CCDC73: variants seen among roughly 807,000 people sequenced by gnomAD.
CCDC73 encodes the protein coiled-coil domain containing 73.
A neutral mutation model predicts 116.5 loss-of-function variants in CCDC73; 95 were observed. The ratio of observed to expected loss-of-function variants is 0.82; its 90% CI spans 0.69 to 0.97. The LOEUF is 0.97. Among genes scored for constraint, CCDC73 ranks in the 50% least tolerant of loss-of-function variants. The pLI is 0.00. For synonymous variants in CCDC73, 398 were observed against 401.3 expected (o/e 0.99, Z 0.10); for missense variants, 1,066 against 1,206.8 (o/e 0.88, Z 1.73).
At chr11:32,610,889 A>G (rs992740368) in intron 17 of CCDC73, among the ~76,000 whole-genome samples, 1 of 152,230 alleles carries the variant, frequency 6.6e-6, no homozygotes, top group Non-Finnish European at 1.5e-5. Context: ...ATAGAAGTAC[A>G]TATCCGATGC....
chr11:32,735,172 C>A (rs893754160), intron 2 of CCDC73, among the ~76,000 whole-genome samples: 2 of 152,118 alleles, frequency 1.3e-5, no homozygotes, highest in African/African-American at 2.4e-5. Flanking sequence ...CTGGCCAGGG[C>A]AATCAGACAG....
intron 6 of CCDC73, among the ~76,000 whole-genome samples, chr11:32,690,492 G>A (rs113927998): frequency 3.0e-4 from 46 of 152,294 alleles, no homozygotes; most frequent in African/African-American, 1.0e-3. Context: ...TAATCCCCAC[G>A]TTGTTGGAGG....
At chr11:32,639,803 ATTGT>A (rs1029997951) in intron 13 of CCDC73, among the ~76,000 whole-genome samples, 42 of 152,234 alleles carry the variant, frequency 2.8e-4, no homozygotes, top group African/African-American at 9.6e-4. Context: ...ATTTTCACTT[ATTGT>A]TTTTTTGTCT....
intron 2 of CCDC73, among the ~76,000 whole-genome samples, chr11:32,720,594 T>C (rs572771722): frequency 2.6e-5 from 4 of 152,244 alleles, no homozygotes; most frequent in South Asian, 2.1e-4. Flanking sequence ...TTGCAGATGA[T>C]ATGATTGTAT....
intron 13 of CCDC73, among the ~76,000 whole-genome samples, chr11:32,640,648 C>T (rs1335892347): frequency 1.3e-5 from 2 of 152,098 alleles, no homozygotes; most frequent in African/African-American, 4.8e-5. Flanking sequence ...AAATACAAAA[C>T]TTTTCTTAGA....
rs757514149 is a variant in CCDC73 at position 32,675,987 on chromosome 11, T to C, written c.464A>G (p.Glu155Gly). The C allele has an allele frequency of 6.2e-7, 1 of 1,607,098 alleles. No homozygotes were observed. Among genetic ancestry groups the C allele is most frequent in the Non-Finnish European group, 8.5e-7 (1 of 1,177,850 alleles). ...QKVQLHLLAK[E>G]DYHKQLSEIE... ...TTCACTCAGTTGCTTATGATAGTCT[T>C]CTTTAGCCAGAAGATGTAACTGGAC... is the stretch of plus-strand genomic sequence containing the variant. The change falls in exon 8 of 18, where the codon GAA becomes GGA. Residue 155 changes from glutamate to glycine, a missense_variant. Transcript: ENST00000335185.
At chr11:32,751,397 C>T (rs927105724) in intron 2 of CCDC73, among the ~76,000 whole-genome samples, 1 of 152,182 alleles carries the variant, frequency 6.6e-6, no homozygotes, top group Non-Finnish European at 1.5e-5. Context: ...CAGTACAGCA[C>T]TAGGACTTGC....
intron 2 of CCDC73, among the ~76,000 whole-genome samples, chr11:32,746,509 C>G (rs111617808): frequency 0.03 from 4,543 of 152,238 alleles, 86 homozygotes; most frequent in Non-Finnish European, 0.039. Context: ...AGGATAATAT[C>G]CTGAAGAGTG....
upstream of CCDC73, among the ~76,000 whole-genome samples, chr11:32,797,429 C>A (rs1850734827): frequency 6.6e-6 from 1 of 152,210 alleles, no homozygotes. Flanking sequence ...GCTTCCTCTA[C>A]CTGGATGCTC....
At chr11:32,686,868 T>C (rs185273612) in intron 6 of CCDC73, among the ~76,000 whole-genome samples, 5 of 152,328 alleles carry the variant, frequency 3.3e-5, no homozygotes, top group African/African-American at 9.6e-5. Flanking sequence ...TTTAATTATT[T>C]AAAAATTGGT....
At chr11:32,708,998 G>A (rs1467665374) in intron 3 of CCDC73, among the ~76,000 whole-genome samples, 1 of 152,120 alleles carries the variant, frequency 6.6e-6, no homozygotes, top group African/African-American at 2.4e-5. Flanking sequence ...TTCTCAGAGG[G>A]AATGTTTTCA....
intron 1 of CCDC73, among the ~76,000 whole-genome samples, chr11:32,783,844 C>T (rs566230775): frequency 1.3e-5 from 2 of 152,252 alleles, no homozygotes; most frequent in South Asian, 2.1e-4. Context: ...AACCCTAGCA[C>T]GGTGGAGGAC....
At chr11:32,685,263 G>GA (rs1856185997) in intron 6 of CCDC73, among the ~76,000 whole-genome samples, 3 of 69,700 alleles carry the variant, frequency 4.3e-5, no homozygotes, top group South Asian at 5.1e-4. Context: ...TACAACACTG[G>GA]ACCAAAAAAA....
intron 2 of CCDC73, among the ~76,000 whole-genome samples, chr11:32,742,025 A>G (rs921737935): frequency 5.3e-5 from 8 of 152,238 alleles, no homozygotes; most frequent in South Asian, 2.1e-4. Flanking sequence ...TCCATGGTGT[A>G]TATGTGCCAC....
chr11:32,663,190 G>T (rs1855947427), intron 9 of CCDC73, among the ~76,000 whole-genome samples: 1 of 151,842 alleles, frequency 6.6e-6, no homozygotes, highest in Admixed American at 6.6e-5. Context: ...GGTTCCATAT[G>T]AACTTTAGTT....
intron 17 of CCDC73, among the ~76,000 whole-genome samples, chr11:32,608,966 C>T (rs1368739292): frequency 6.6e-6 from 1 of 152,154 alleles, no homozygotes; most frequent in East Asian, 1.9e-4. Context: ...AATCCCTAAG[C>T]TGCACACAGC....
rs1161734629 is a variant in CCDC73, at chr11:32,722,600, CAT to C, written c.136-4455_136-4454del. On this transcript the variant is annotated intron_variant, in intron 2 of 17. Coordinates refer to ENST00000335185, the MANE Select transcript of CCDC73 (RefSeq NM_001008391.4). ...CAGTAATACCTTTCTATTATTAAAA[CAT>C]ATTGAAAAAGGAAATAAATGTACAT... Among the ~76,000 whole-genome samples, 4 of 152,222 alleles carry C rather than the reference CAT, an allele frequency of 2.6e-5. No homozygotes were observed. In the East Asian group the frequency reaches 5.8e-4, roughly 22 times the overall value.
chr11:32,657,406 G>C (rs1046207408), intron 9 of CCDC73, among the ~76,000 whole-genome samples: 5 of 152,224 alleles, frequency 3.3e-5, no homozygotes, highest in Non-Finnish European at 7.3e-5. Context: ...CTGGCATAAA[G>C]AGAACAATTA....
At chr11:32,701,615 G>A (rs1849813796) in intron 4 of CCDC73, among the ~76,000 whole-genome samples, 1 of 152,086 alleles carries the variant, frequency 6.6e-6, no homozygotes. Flanking sequence ...TTGAGCCCTG[G>A]AGTTGGAGAT....
Sources: gnomAD v4.1 joint callset for allele counts (sites outside exome capture counted in the v4.1 genomes callset) on GRCh38, gnomAD v4.1.1 for gene constraint, MANE v1.5 for transcripts, NCBI Gene and HGNC (gene_info 2026-07-23, HGNC 2026-07-21) for gene names.